Variants in POMK observed in about 807,000 individuals in gnomAD.
POMK encodes Sugen kinase 196.
Under a neutral mutation model 23.0 loss-of-function variants are expected in POMK, and 19 were observed. The observed-to-expected ratio is 0.83, with a 90% CI of 0.58 to 1.21. POMK has a LOEUF of 1.21. Ranked by LOEUF, POMK falls within the 50% of genes most tolerant of loss-of-function variation. The pLI is 0.00. For synonymous variants in POMK, 173 were observed against 171.6 expected, an observed-to-expected ratio of 1.01 and a Z score of -0.06; for missense variants, 410 against 431.3, an observed-to-expected ratio of 0.95 and a Z score of 0.44.
intron 4 of POMK, among the ~76,000 whole-genome samples, chr8:43,107,625 G>A (rs1393278522): frequency 6.6e-6 from 1 of 151,708 alleles, no homozygotes; most frequent in Non-Finnish European, 1.5e-5. Context: ...TGCCTGCCTT[G>A]GTCTCCCAAA....
At chr8:43,118,612 A>G (rs1811849391) in intron 4 of POMK, among the ~76,000 whole-genome samples, 1 of 152,252 alleles carries the variant, frequency 6.6e-6, no homozygotes, top group Non-Finnish European at 1.5e-5. Context: ...GTTGTGAGAA[A>G]TGATTCTTAA....
At chr8:43,096,316 G>C (rs369181659) in intron 1 of POMK, among the ~76,000 whole-genome samples, 2 of 152,138 alleles carry the variant, frequency 1.3e-5, no homozygotes, top group African/African-American at 4.8e-5. Context: ...TGGGCCGAGT[G>C]GGGGGCTGTT....
chr8:43,104,086 C>T (rs773352984), intron 4 of POMK, among the ~76,000 whole-genome samples: 1 of 151,860 alleles, frequency 6.6e-6, no homozygotes, highest in Non-Finnish European at 1.5e-5. Flanking sequence ...CCTGCTAGCT[C>T]TACGTTTTTA....
chr8:43,108,667 G>A (rs1035672042), intron 4 of POMK, among the ~76,000 whole-genome samples: 2 of 126,874 alleles, frequency 1.6e-5, no homozygotes, highest in Admixed American at 9.1e-5. Flanking sequence ...AGCTTTCCAT[G>A]AGAGTTCTAA....
At chr8:43,096,857 T>A (rs1292524350) in intron 1 of POMK, among the ~76,000 whole-genome samples, 1 of 152,050 alleles carries the variant, frequency 6.6e-6, no homozygotes, top group Non-Finnish European at 1.5e-5. Flanking sequence ...GTTGAGCTTT[T>A]AAAAAAAACT....
intron 4 of POMK, among the ~76,000 whole-genome samples, chr8:43,104,568 A>G (rs539016767): frequency 3.9e-5 from 6 of 152,204 alleles, no homozygotes; most frequent in Non-Finnish European, 7.3e-5. Flanking sequence ...CATGAATAAA[A>G]CCTTATGATG....
chr8:43,103,189 A>G (rs1425395662), intron 3 of POMK, among the ~76,000 whole-genome samples: 1 of 152,168 alleles, frequency 6.6e-6, no homozygotes, highest in African/African-American at 2.4e-5. Flanking sequence ...TCCCTGTCCC[A>G]CCAGTTGACT....
chr8:43,110,619 C>A (rs1811632394), intron 4 of POMK, among the ~76,000 whole-genome samples: 1 of 152,144 alleles, frequency 6.6e-6, no homozygotes, highest in African/African-American at 2.4e-5. Flanking sequence ...AAGATCTTTT[C>A]TTATATAAAA....
At chr8:43,116,409 C>T (rs909615439) in intron 4 of POMK, among the ~76,000 whole-genome samples, 2 of 152,078 alleles carry the variant, frequency 1.3e-5, no homozygotes, top group South Asian at 2.1e-4. Flanking sequence ...GGACCACAGG[C>T]GTGTGCCACC....
chr8:43,122,015 A>G (rs1811926532), intron 4 of POMK, 92 bp from the exon 5 acceptor site: 11 of 1,258,502 alleles, frequency 8.7e-6, no homozygotes, highest in Non-Finnish European at 1.2e-5. Flanking sequence ...TATCTTCTGC[A>G]GAACACCTGC....
chr8:43,119,975 AATTTTAT>A (rs1429426630), intron 4 of POMK, among the ~76,000 whole-genome samples: 42 of 149,942 alleles, frequency 2.8e-4, no homozygotes, highest in African/African-American at 1.0e-3. Context: ...GTTTTTCTGA[AATTTTAT>A]ATATTTTTGA....
At chr8:43,113,401 A>G (rs1168012571) in intron 4 of POMK, among the ~76,000 whole-genome samples, 2 of 152,058 alleles carry the variant, frequency 1.3e-5, no homozygotes, top group East Asian at 3.8e-4. Context: ...AGTTGATTGC[A>G]TCGACTCCTG....
chr8:43,113,575 G>A (rs1000497806), intron 4 of POMK, among the ~76,000 whole-genome samples: 16 of 152,194 alleles, frequency 1.1e-4, no homozygotes, highest in South Asian at 2.1e-4. Context: ...GTAGCTCGGC[G>A]TAGTTTGATT....
intron 4 of POMK, among the ~76,000 whole-genome samples, chr8:43,120,511 G>A (rs990053575): frequency 4.0e-5 from 6 of 151,636 alleles, no homozygotes; most frequent in Admixed American, 6.6e-5. Flanking sequence ...ATGAGCCACC[G>A]CACCCAGCCG....
chr8:43,116,792 A>T (rs543522271), intron 4 of POMK, among the ~76,000 whole-genome samples: 28 of 152,318 alleles, frequency 1.8e-4, no homozygotes, highest in Non-Finnish European at 3.8e-4. Flanking sequence ...ATTCTTCAAG[A>T]TAGGTAGATT....
chr8:43,105,326 T>G (rs1811523837), intron 4 of POMK, among the ~76,000 whole-genome samples: 1 of 152,242 alleles, frequency 6.6e-6, no homozygotes, highest in Non-Finnish European at 1.5e-5. Context: ...AATCTCTGCC[T>G]ATCCTCGCCT....
chr8:43,115,809 C>T (rs192542181), intron 4 of POMK, among the ~76,000 whole-genome samples: 17 of 152,322 alleles, frequency 1.1e-4, no homozygotes, highest in African/African-American at 2.4e-4. Context: ...GCCCTTGCAA[C>T]GACAAGGCCC....
chr8:43,120,028 C>A (rs1284129897), intron 4 of POMK, among the ~76,000 whole-genome samples: 1 of 147,324 alleles, frequency 6.8e-6, no homozygotes, highest in East Asian at 2.0e-4. Context: ...AATATATGTT[C>A]ATCTTGGAAA....
chr8:43,107,648 C>T (rs967986942), intron 4 of POMK, among the ~76,000 whole-genome samples: 1 of 151,000 alleles, frequency 6.6e-6, no homozygotes, highest in Non-Finnish European at 1.5e-5. Flanking sequence ...GCTGGGATTA[C>T]AGGCATGAAT....
Sources: allele counts gnomAD v4.1 joint callset (sites outside exome capture counted in the v4.1 genomes callset), GRCh38; gene constraint gnomAD v4.1.1; transcripts MANE v1.5; gene names NCBI Gene and HGNC (gene_info 2026-07-23, HGNC 2026-07-21).